LAMB4: variants seen among roughly 807,000 people sequenced by gnomAD.
The protein encoded by LAMB4 is laminin subunit beta 4.
Under a neutral mutation model 199.2 loss-of-function variants are expected in LAMB4, and 196 were observed. That is an observed-to-expected ratio of 0.98 (90% CI 0.88 to 1.11). The LOEUF is 1.11. Among genes scored for constraint, LAMB4 ranks in the 50% least tolerant of loss-of-function variants. The pLI is 0.00. For missense variants in LAMB4, 2,080 were observed against 2,171.2 expected (o/e 0.96, Z 0.83); for synonymous variants, 744 against 770.6 (o/e 0.97, Z 0.57).
At chr7:108,020,956 A>C (rs1441006397), downstream of LAMB4, among the ~76,000 whole-genome samples, 2 of 152,172 alleles carry the variant, frequency 1.3e-5, no homozygotes, top group African/African-American at 4.8e-5. Context: ...GCTGGTTCAC[A>C]GTGGCAACAG....
intron 14 of LAMB4, among the ~76,000 whole-genome samples, chr7:108,084,005 A>G (rs1461945215): frequency 6.6e-6 from 1 of 152,218 alleles, no homozygotes; most frequent in Non-Finnish European, 1.5e-5. Context: ...TGGGGACACG[A>G]GGAATATGTA....
Position 108,105,810 on chromosome 7 carries a change from A to G in LAMB4, c.870+7T>C, listed in dbSNP as rs762074070. ...CAGCCCACTGTTCTTTTGGATTAAT[A>G]ACTCACCATTCCAGGAGGGCTGAAA... On this transcript the variant is annotated splice_region_variant and intron_variant, in intron 8 of 33. Transcript: ENST00000388781. 2.5e-6 allele frequency: 4 copies of G among 1,613,068 alleles called. No individual in the cohort carries two copies. The highest frequency in any genetic ancestry group is 3.4e-6 in the Non-Finnish European group (4 of 1,179,114).
chr7:108,026,988 T>C (rs957200375), intron 33 of LAMB4: 4 of 469,890 alleles, frequency 8.5e-6, no homozygotes, highest in African/African-American at 8.0e-5. Flanking sequence ...TAACTTCAAC[T>C]TCTCTTCCAA....
At chr7:108,126,080 T>C (rs1473126764) in intron 1 of LAMB4, among the ~76,000 whole-genome samples, 2 of 152,212 alleles carry the variant, frequency 1.3e-5, no homozygotes. Context: ...ACAGTTGCTA[T>C]GTGAAGAGAT....
chr7:108,049,338 T>C lies in LAMB4; in HGVS notation c.4110A>G (p.Ile1370Met), dbSNP rs773300944. Reference protein sequence around the residue: ...LKQIKIPDIQILNEKVCGDPG... With the variant: ...LKQIKIPDIQMLNEKVCGDPG... ...CATGAATATTTACCTTTTCATTCAA[T>C]ATTTGGATATCTGGTATCTTAATCT... The change falls in exon 27 of 34, where the codon ATA (isoleucine) becomes ATG (methionine). Residue 1370 changes from isoleucine to methionine, a missense_variant. Physicochemically the swap from Ile to Met is conservative, Grantham distance 10. Coordinates refer to ENST00000388781, the MANE Select transcript of LAMB4 (RefSeq NM_007356.3). The C allele has an allele frequency of 7.1e-6, 11 of 1,554,600 alleles. No homozygotes were observed. The highest frequency in any genetic ancestry group is 9.7e-6 in the Non-Finnish European group (11 of 1,130,442).
intron 10 of LAMB4, among the ~76,000 whole-genome samples, chr7:108,100,016 T>A (rs1346834506): frequency 1.3e-5 from 2 of 152,184 alleles, no homozygotes; most frequent in East Asian, 3.8e-4. Context: ...GGATTCATCT[T>A]AATAGTGGCC....
chr7:108,082,905 T>C (rs898667233), intron 14 of LAMB4, among the ~76,000 whole-genome samples: 1 of 152,198 alleles, frequency 6.6e-6, no homozygotes, highest in African/African-American at 2.4e-5. Context: ...AGTCATTGGA[T>C]GGATCACTGG....
chr7:108,079,595 G>T lies in LAMB4; in HGVS notation c.1887+6C>A. 6.3e-7 allele frequency: 1 copy of T among 1,597,208 alleles called. No homozygotes were observed. Among genetic ancestry groups the T allele is most frequent in the Non-Finnish European group, 8.5e-7 (1 of 1,173,010 alleles). The stretch of plus-strand genomic sequence containing the variant: ...TCACCACCAAAGTTGGAGAGTTAAA[G>T]GATACCTGGGTTTCATAGTGAATGG... On this transcript the variant is annotated splice_donor_region_variant and intron_variant, in intron 15 of 33. Transcript: ENST00000388781.
At position 108,105,922 on chromosome 7, in the gene LAMB4, A is replaced by G. The variant is rs1342721319; in HGVS notation, c.765T>C (p.Ala255=). 6.2e-7 allele frequency: 1 copy of G among 1,614,228 alleles called. No homozygotes were observed. Among genetic ancestry groups the G allele is most frequent in the Admixed American group, 1.7e-5 (1 of 60,028 alleles). ...TTCCCCGAACAATCATCTCGTACAGAGCATAGTAGTATTTATCAAGGGAAT... is the reference window on the plus strand; with the variant it reads ...TTCCCCGAACAATCATCTCGTACAGGGCATAGTAGTATTTATCAAGGGAAT... The part of the protein sequence containing the change: ...QNDSLDKYYY[A]LYEMIVRGSC... The change falls in exon 8 of 34, where the codon GCT becomes GCC. Residue 255 remains alanine (A), a synonymous_variant. Transcript: ENST00000388781.
intron 14 of LAMB4, among the ~76,000 whole-genome samples, chr7:108,084,359 T>C (rs186977237): frequency 5.3e-5 from 8 of 152,312 alleles, no homozygotes; most frequent in Non-Finnish European, 1.0e-4. Flanking sequence ...GCCAGCTTCA[T>C]GGTTACCTAG....
chr7:108,019,477 C>T (rs1385031185), downstream of LAMB4, among the ~76,000 whole-genome samples: 2 of 152,152 alleles, frequency 1.3e-5, no homozygotes, highest in East Asian at 1.9e-4. Flanking sequence ...TGCCATGTAA[C>T]GTAATATATT....
chr7:108,062,947 C>G lies in LAMB4; in HGVS notation c.3109G>C (p.Gly1037Arg), dbSNP rs760057042. The G allele has an allele frequency of 6.9e-5, 110 of 1,605,224 alleles. No homozygotes were observed. The highest frequency in any genetic ancestry group is 8.8e-5 in the Non-Finnish European group (104 of 1,176,382). ...SGVSPMECPP[G>R]GGACLCDPVT... ...GGGTCACAGAGGCAAGCTCCCCCACCAGGGGGACACTCCATGGGACTCACG... is the reference window on the plus strand; with the variant it reads ...GGGTCACAGAGGCAAGCTCCCCCACGAGGGGGACACTCCATGGGACTCACG... Residue 1037 changes from glycine (G) to arginine (R), a missense_variant, in exon 23 of 34, where the codon GGT (glycine) becomes CGT (arginine). Gly to Arg is a moderately radical substitution (Grantham distance 125). Coordinates refer to ENST00000388781, the MANE Select transcript of LAMB4 (RefSeq NM_007356.3).
downstream of LAMB4, among the ~76,000 whole-genome samples, chr7:108,020,668 G>A (rs563387331): frequency 6.6e-6 from 1 of 152,152 alleles, no homozygotes; most frequent in East Asian, 1.9e-4. Context: ...CCTCCTATAG[G>A]CAGAATACAT....
At chr7:108,064,072 TG>T (rs2036257370) in intron 21 of LAMB4, 87 bp from the exon 22 acceptor site, 1 of 932,316 alleles carries the variant, frequency 1.1e-6, no homozygotes, top group Middle Eastern at 2.3e-4. Flanking sequence ...AGAAAATTAT[TG>T]GGCTCCTCTA....
At chr7:108,102,903 G>C (rs2037862501) in intron 10 of LAMB4, 141 bp downstream of exon 10, 2 of 546,036 alleles carry the variant, frequency 3.7e-6, no homozygotes, top group African/African-American at 3.7e-5. Context: ...TTAAAGCTGA[G>C]GTATTTTTGC....
intron 14 of LAMB4, among the ~76,000 whole-genome samples, chr7:108,083,224 G>A (rs893737518): frequency 2.6e-5 from 4 of 152,120 alleles, no homozygotes; most frequent in Non-Finnish European, 5.9e-5. Context: ...GGGTAAGAGT[G>A]TATGTTCACA....
At chr7:108,086,195 C>T (rs892062601) in intron 14 of LAMB4, among the ~76,000 whole-genome samples, 1 of 152,198 alleles carries the variant, frequency 6.6e-6, no homozygotes, top group Non-Finnish European at 1.5e-5. Flanking sequence ...AGCCCTGTGC[C>T]TCAGTGGGTG....
chr7:108,029,643 G>A (rs1320781672), intron 32 of LAMB4, among the ~76,000 whole-genome samples: 3 of 152,190 alleles, frequency 2.0e-5, no homozygotes, highest in African/African-American at 7.2e-5. Context: ...TGGCAAAAAG[G>A]TGAGAGAGAA....
the LAMB4 span, among the ~76,000 whole-genome samples, chr7:108,013,829 AATT>A: frequency 6.6e-6 from 1 of 152,148 alleles, no homozygotes; most frequent in African/African-American, 2.4e-5. Context: ...GACTAGATAA[AATT>A]ACTATGCTGG....
Sources: allele counts gnomAD v4.1 joint callset (sites outside exome capture counted in the v4.1 genomes callset), GRCh38; gene constraint gnomAD v4.1.1; transcripts MANE v1.5; gene names NCBI Gene and HGNC (gene_info 2026-07-23, HGNC 2026-07-21).